The following FGF10 variants were observed in gnomAD, a reference collection of about 807,000 sequenced individuals.
The protein encoded by FGF10 is fibroblast growth factor 10.
Under a neutral mutation model 19.8 loss-of-function variants are expected in FGF10, and 2 were observed. The ratio of observed to expected loss-of-function variants is 0.10; its 90% CI spans 0.04 to 0.32. The LOEUF (loss-of-function observed/expected upper bound fraction) is 0.32. FGF10 is among the 10% of genes least tolerant of loss of function. FGF10 has a pLI of 1.00. For missense variants in FGF10, 191 were observed against 246.3 expected (o/e 0.78, Z 1.50); for synonymous variants, 112 against 94.0 (o/e 1.19, Z -1.10).
chr5:44,361,211 AG>A (rs1425334335), intron 1 of FGF10, among the ~76,000 whole-genome samples: 1 of 151,726 alleles, frequency 6.6e-6, no homozygotes, highest in Non-Finnish European at 1.5e-5. Flanking sequence ...TTCAGCTAAA[AG>A]CAGCTTCTGC....
At chr5:44,331,595 G>A (rs1740736997) in intron 1 of FGF10, among the ~76,000 whole-genome samples, 1 of 151,964 alleles carries the variant, frequency 6.6e-6, no homozygotes, top group African/African-American at 2.4e-5. Flanking sequence ...TACTGAGGGT[G>A]TTGTATGTGC....
chr5:44,342,549 G>A (rs1418988972), intron 1 of FGF10, among the ~76,000 whole-genome samples: 1 of 150,934 alleles, frequency 6.6e-6, no homozygotes, highest in Non-Finnish European at 1.5e-5. Context: ...ATTTTTCAAA[G>A]TGCTGTGTTT....
chr5:44,325,135 T>C (rs1319083338), intron 1 of FGF10, among the ~76,000 whole-genome samples: 6 of 152,060 alleles, frequency 3.9e-5, no homozygotes, highest in Non-Finnish European at 8.8e-5. Flanking sequence ...CATGAAAAAA[T>C]GCTCATCATC....
intron 1 of FGF10, among the ~76,000 whole-genome samples, chr5:44,338,141 T>C (rs2111779741): frequency 6.6e-6 from 1 of 152,312 alleles, no homozygotes; most frequent in African/African-American, 2.4e-5. Flanking sequence ...ATGTAAGCTT[T>C]AAATTTGATA....
intron 2 of FGF10, among the ~76,000 whole-genome samples, chr5:44,309,022 C>T (rs983122430): frequency 1.6e-4 from 25 of 152,126 alleles, no homozygotes; most frequent in African/African-American, 4.8e-4. Context: ...CTAAATGGTT[C>T]TCTCAGCCTT....
chr5:44,323,057 A>G (rs1740534795), intron 1 of FGF10, among the ~76,000 whole-genome samples: 1 of 152,110 alleles, frequency 6.6e-6, no homozygotes, highest in Admixed American at 6.6e-5. Flanking sequence ...GGAGATGTTT[A>G]ATCAATATGT....
chr5:44,314,857 C>T (rs1162657031), intron 1 of FGF10, among the ~76,000 whole-genome samples: 1 of 152,076 alleles, frequency 6.6e-6, no homozygotes, highest in Non-Finnish European at 1.5e-5. Flanking sequence ...GTAAGTTTCT[C>T]ACTAAATATT....
At position 44,300,565 on chromosome 5, in the gene FGF10, A is replaced by T. The variant is rs139724899; in HGVS notation, c.*4430T>A. Among the ~76,000 whole-genome samples the T allele has an allele frequency of 2.6e-5, 4 of 152,192 alleles. No homozygotes were observed. Among genetic ancestry groups the T allele is most frequent in the Non-Finnish European group, 5.9e-5 (4 of 68,030 alleles). ...GGTAAAGAACATATGAAAGAGAATGATCTTAAAACCTCTCTAACTTGGACA... is the reference window on the plus strand; with the variant it reads ...GGTAAAGAACATATGAAAGAGAATGTTCTTAAAACCTCTCTAACTTGGACA... On this transcript the variant is annotated 3_prime_UTR_variant, in exon 3 of 3. Coordinates refer to ENST00000264664, the MANE Select transcript of FGF10 (RefSeq NM_004465.2).
At chr5:44,307,289 T>C (rs754186133) in intron 2 of FGF10, among the ~76,000 whole-genome samples, 1 of 152,092 alleles carries the variant, frequency 6.6e-6, no homozygotes, top group Non-Finnish European at 1.5e-5. Flanking sequence ...TCATAAGCAG[T>C]TATGTATAAA....
chr5:44,347,790 T>C (rs1189794943), intron 1 of FGF10, among the ~76,000 whole-genome samples: 1 of 151,738 alleles, frequency 6.6e-6, no homozygotes, highest in South Asian at 2.1e-4. Context: ...TAGGATTCCA[T>C]TGTGCTGGTG....
At chr5:44,378,896 A>G (rs1331384259) in intron 1 of FGF10, among the ~76,000 whole-genome samples, 1 of 152,186 alleles carries the variant, frequency 6.6e-6, no homozygotes, top group African/African-American at 2.4e-5. Context: ...TTCATATAGT[A>G]TCCTTTTGAT....
Position 44,363,476 on chromosome 5 carries a change from A to T in FGF10, c.325+24882T>A, listed in dbSNP as rs17227646. The stretch of plus-strand genomic sequence containing the variant: ...TTCAAAACATAGATTGGAAAATTTA[A>T]AGACATTTCAAAGCTTTATGCTCTA... On this transcript the variant is annotated intron_variant, in intron 1 of 2. Coordinates refer to ENST00000264664, the MANE Select transcript of FGF10 (RefSeq NM_004465.2). 3.5e-3 allele frequency among the ~76,000 whole-genome samples: 537 copies of T among 152,016 alleles called. 26 individuals are homozygous for T. In the East Asian group the frequency reaches 0.094, roughly 27 times the overall value.
At chr5:44,333,369 ACT>A (rs1740780377) in intron 1 of FGF10, among the ~76,000 whole-genome samples, 1 of 152,174 alleles carries the variant, frequency 6.6e-6, no homozygotes, top group African/African-American at 2.4e-5. Context: ...TGTTCTGAGT[ACT>A]GAGAATATAG....
intron 1 of FGF10, among the ~76,000 whole-genome samples, chr5:44,373,547 TC>T (rs1741789702): frequency 1.3e-5 from 2 of 152,198 alleles, no homozygotes; most frequent in Admixed American, 1.3e-4. Flanking sequence ...ACTTACACGT[TC>T]TGTTTTTCAT....
At chr5:44,334,340 T>A (rs1036653213) in intron 1 of FGF10, among the ~76,000 whole-genome samples, 1 of 152,080 alleles carries the variant, frequency 6.6e-6, no homozygotes, top group Non-Finnish European at 1.5e-5. Context: ...ATATTCTAAG[T>A]TTGTTTCTGG....
At position 44,388,928 on chromosome 5, in the gene FGF10, T is replaced by C; in HGVS notation, c.-246A>G. ...GGAGCCTCCCGGTAAATGGTGGACG[T>C]GGGTGGCCGCAGCAGCAGGAGCTGG... On this transcript the variant is annotated 5_prime_UTR_variant, in exon 1 of 3. Transcript: ENST00000264664. 1 of 582,002 alleles carries C rather than the reference T, an allele frequency of 1.7e-6. No individual in the cohort carries two copies. Among genetic ancestry groups the C allele is most frequent in the Non-Finnish European group, 3.1e-6 (1 of 323,922 alleles). 36.1% of individuals were successfully genotyped at this position (582,002 alleles called of 1,614,324 possible).
chr5:44,310,415 C>A lies in FGF10; in HGVS notation c.429+12G>T. On this transcript the variant is annotated intron_variant, in intron 2 of 2. Coordinates refer to ENST00000264664, the MANE Select transcript of FGF10 (RefSeq NM_004465.2). Reference sequence around the variant, plus strand: ...ACTGGAGTGGATTTGAAAACAAAAGCAGAATACTTACTGAGCCATAGAGTT... The same window carrying A: ...ACTGGAGTGGATTTGAAAACAAAAGAAGAATACTTACTGAGCCATAGAGTT... 2 of 1,575,866 alleles carry A rather than the reference C, an allele frequency of 1.3e-6. No individual in the cohort carries two copies. Among genetic ancestry groups the A allele is most frequent in the South Asian group, 2.2e-5 (2 of 90,298 alleles).
Position 44,388,865 on chromosome 5 carries a change from C to T in FGF10, c.-183G>A. ...AACTCCTCGGAAAAGCCGGCTGACTCCCCTCGCTCCTTTCTCGGATCCGCT... is the reference window on the plus strand; with the variant it reads ...AACTCCTCGGAAAAGCCGGCTGACTTCCCTCGCTCCTTTCTCGGATCCGCT... On this transcript the variant is annotated 5_prime_UTR_variant, in exon 1 of 3. Coordinates refer to ENST00000264664, the MANE Select transcript of FGF10 (RefSeq NM_004465.2). The T allele has an allele frequency of 1.5e-6, 1 of 670,806 alleles. No homozygotes were observed. Among genetic ancestry groups the T allele is most frequent in the Non-Finnish European group, 2.7e-6 (1 of 369,318 alleles). The allele number at this position is 670,806 out of a possible 1,614,324, so 41.6% of individuals were successfully genotyped here.
intron 2 of FGF10, 70 bp from the exon 3 acceptor site, chr5:44,305,262 C>T: frequency 2.2e-6 from 3 of 1,371,876 alleles, no homozygotes; most frequent in Non-Finnish European, 3.1e-6. Context: ...ACAAGCCATC[C>T]AGAGAACTCC....
Sources: gnomAD v4.1 joint callset for allele counts (sites outside exome capture counted in the v4.1 genomes callset) on GRCh38, gnomAD v4.1.1 for gene constraint, MANE v1.5 for transcripts, NCBI Gene and HGNC (gene_info 2026-07-23, HGNC 2026-07-21) for gene names.